Variants in CDH23 observed in about 807,000 individuals in gnomAD.
The protein encoded by CDH23 is cadherin related 23.
A neutral mutation model predicts 317.1 loss-of-function variants in CDH23; 189 were observed. The ratio of observed to expected loss-of-function variants is 0.60; its 90% confidence interval spans 0.53 to 0.67. CDH23 has a LOEUF of 0.67. CDH23 is among the 30% of genes least tolerant of loss of function. The pLI is 0.00. For synonymous variants in CDH23, 1,839 were observed against 1,876.8 expected (o/e 0.98, Z 0.52); for missense variants, 4,401 against 4,592.4 (o/e 0.96, Z 1.20).
At chr10:71,784,450 C>T (rs761654427) in intron 42 of CDH23, 30 bp downstream of exon 42, 1 of 1,604,680 alleles carries the variant, frequency 6.2e-7, no homozygotes, top group Non-Finnish European at 8.5e-7. Context: ...CCGCTGGCTT[C>T]ACCTCGCTGC....
chr10:71,469,864 C>G (rs978650024), intron 3 of CDH23, among the ~76,000 whole-genome samples: 22 of 152,206 alleles, frequency 1.4e-4, no homozygotes, highest in African/African-American at 4.8e-4. Flanking sequence ...CTTGGCCTCA[C>G]AAAGTGCAGG....
At chr10:71,804,661 C>A (rs929461807) in intron 55 of CDH23, among the ~76,000 whole-genome samples, 1 of 152,292 alleles carries the variant, frequency 6.6e-6, no homozygotes, top group South Asian at 2.1e-4. Context: ...ATTGAGCAGT[C>A]GGTCCTCTTT....
chr10:71,530,908 C>T (rs1302006452), intron 6 of CDH23, among the ~76,000 whole-genome samples: 1 of 152,264 alleles, frequency 6.6e-6, no homozygotes, highest in Non-Finnish European at 1.5e-5. Context: ...CAGAATGTGA[C>T]TGCCCTGGGT....
At position 71,712,670 on chromosome 10, in the gene CDH23, G is replaced by C. The variant is rs1368702540; in HGVS notation, c.3226G>C (p.Gly1076Arg). ...YMLILEAIDN[G>R]PVGKRHTGTA... ...TCTTCCTTCAACTCCCACAGACAAC[G>C]GCCCTGTAGGGAAGCGACACACGGG... The change falls in exon 28 of 70, where the codon GGC becomes CGC. Residue 1076 changes from glycine to arginine, a missense_variant. Gly to Arg is a moderately radical substitution (Grantham distance 125). Coordinates refer to ENST00000224721, the MANE Select transcript of CDH23 (RefSeq NM_022124.6). The C allele has an allele frequency of 1.9e-6, 3 of 1,613,362 alleles. No individual in the cohort carries two copies. The highest frequency in any genetic ancestry group is 2.5e-6 in the Non-Finnish European group (3 of 1,179,806).
At chr10:71,766,823 G>T (rs763231976) in intron 38 of CDH23, among the ~76,000 whole-genome samples, 1 of 152,142 alleles carries the variant, frequency 6.6e-6, no homozygotes, top group African/African-American at 2.4e-5. Flanking sequence ...CAGACAGGAA[G>T]AGCCACCCAC....
intron 3 of CDH23, among the ~76,000 whole-genome samples, chr10:71,499,420 C>T (rs767581979): frequency 3.1e-4 from 47 of 151,904 alleles, no homozygotes; most frequent in Admixed American, 9.2e-4. Context: ...AAATTAGCCA[C>T]GCATAGTGGC....
chr10:71,544,518 C>T (rs1330680754), intron 6 of CDH23, among the ~76,000 whole-genome samples: 1 of 152,200 alleles, frequency 6.6e-6, no homozygotes, highest in Non-Finnish European at 1.5e-5. Flanking sequence ...GCCCCACGCC[C>T]GCTCCCACCC....
At chr10:71,731,204 C>G (rs1839370857) in intron 31 of CDH23, among the ~76,000 whole-genome samples, 1 of 152,240 alleles carries the variant, frequency 6.6e-6, no homozygotes, top group Non-Finnish European at 1.5e-5. Flanking sequence ...GGCCTGTACC[C>G]CAGTCAGGGA....
chr10:71,725,260 C>A, intron 29 of CDH23, 112 bp from the exon 30 acceptor site: 1 of 1,528,320 alleles, frequency 6.5e-7, no homozygotes, highest in Non-Finnish European at 9.1e-7. Context: ...AGACCCGCAG[C>A]CTCCTCACAA....
chr10:71,475,034 C>G (rs1337273830), intron 3 of CDH23, among the ~76,000 whole-genome samples: 2 of 152,202 alleles, frequency 1.3e-5, no homozygotes, highest in Non-Finnish European at 2.9e-5. Flanking sequence ...GCTTCTGCCT[C>G]TCACTAGGAA....
intron 6 of CDH23, among the ~76,000 whole-genome samples, chr10:71,532,626 A>G (rs1855440279): frequency 6.6e-6 from 1 of 151,350 alleles, no homozygotes; most frequent in South Asian, 2.1e-4. Context: ...TGACCTTTTG[A>G]GTCCCCAGCC....
chr10:71,807,958 C>T lies in CDH23; in HGVS notation c.8673C>T (p.Phe2891=), dbSNP rs767574624. The T allele has an allele frequency of 1.1e-5, 18 of 1,600,708 alleles. No homozygotes were observed. Among genetic ancestry groups the T allele is most frequent in the Admixed American group, 1.7e-5 (1 of 58,178 alleles). The part of the protein sequence containing the change: ...VFYSILAIHY[F]RALANDSEDV... The stretch of plus-strand genomic sequence containing the variant: ...ACAGCATTCTGGCCATCCACTACTT[C>T]CGGGCCCTTGCCAACGACTCTGAAG... Residue 2891 remains phenylalanine (F), a synonymous_variant, in exon 60 of 70, where the codon TTC becomes TTT. Transcript: ENST00000224721.
intron 1 of CDH23, among the ~76,000 whole-genome samples, chr10:71,431,283 C>T (rs377765959): frequency 2.6e-5 from 4 of 152,342 alleles, no homozygotes; most frequent in African/African-American, 9.6e-5. Flanking sequence ...GCTCCCCACC[C>T]TGGGGGTCTC....
chr10:71,404,978 G>A (rs1589265844), intron 1 of CDH23, among the ~76,000 whole-genome samples: 1 of 152,312 alleles, frequency 6.6e-6, no homozygotes, highest in Middle Eastern at 3.4e-3. Context: ...AGGGAGGGAA[G>A]TAGAGGAGAG....
intron 14 of CDH23, among the ~76,000 whole-genome samples, chr10:71,668,424 C>G (rs1431605832): frequency 2.0e-5 from 3 of 152,192 alleles, no homozygotes; most frequent in African/African-American, 4.8e-5. Flanking sequence ...TTCACTCCCC[C>G]AGCCCCACCA....
intron 14 of CDH23, among the ~76,000 whole-genome samples, chr10:71,672,950 C>G (rs1009413577): frequency 6.6e-6 from 1 of 152,136 alleles, no homozygotes; most frequent in Non-Finnish European, 1.5e-5. Flanking sequence ...TCCTGCACAC[C>G]CCACTTTCTG....
At chr10:71,651,073 C>T (rs1014479948) in intron 14 of CDH23, among the ~76,000 whole-genome samples, 2 of 152,302 alleles carry the variant, frequency 1.3e-5, no homozygotes, top group Middle Eastern at 3.4e-3. Flanking sequence ...GGACTAACTA[C>T]GAAATGAATC....
intron 1 of CDH23, among the ~76,000 whole-genome samples, chr10:71,419,428 A>G (rs765583060): frequency 6.6e-6 from 1 of 152,214 alleles, no homozygotes; most frequent in African/African-American, 2.4e-5. Flanking sequence ...GCCCTTTAAC[A>G]TGGACATGCA....
At chr10:71,590,818 A>T (rs1401456510) in intron 9 of CDH23, among the ~76,000 whole-genome samples, 1 of 147,116 alleles carries the variant, frequency 6.8e-6, no homozygotes, top group Non-Finnish European at 1.5e-5. Flanking sequence ...GTGAACTAAG[A>T]TGGCCCCACT....
Sources: gnomAD v4.1 joint callset for allele counts (sites outside exome capture counted in the v4.1 genomes callset) on GRCh38, gnomAD v4.1.1 for gene constraint, MANE v1.5 for transcripts, NCBI Gene and HGNC (gene_info 2026-07-23, HGNC 2026-07-21) for gene names.